BDNF: variants seen among roughly 807,000 people sequenced by gnomAD.
BDNF encodes brain derived neurotrophic factor, also known as neurotrophic factor BDNF precursor form.
BDNF carries 1 observed loss-of-function variant against 19.5 expected under a neutral mutation model. The observed-to-expected ratio is 0.05, with a 90% CI of 0.02 to 0.24. The LOEUF is 0.24. BDNF is among the 10% of genes least tolerant of loss of function. The pLI, the probability that BDNF is intolerant of heterozygous loss-of-function variation, is 1.00. For missense variants in BDNF, 195 were observed against 317.6 expected (o/e 0.61, Z 2.93); for synonymous variants, 100 against 121.6 (o/e 0.82, Z 1.17).
intron 1 of BDNF, among the ~76,000 whole-genome samples, chr11:27,716,538 T>A (rs1860523122): frequency 6.6e-6 from 1 of 151,946 alleles, no homozygotes. Context: ...TAATTTGAGA[T>A]ACTTCTGAGG....
chr11:27,713,758 A>G (rs1385030411), intron 1 of BDNF, among the ~76,000 whole-genome samples: 2 of 152,148 alleles, frequency 1.3e-5, no homozygotes, highest in Non-Finnish European at 2.9e-5. Context: ...TTTAACATTC[A>G]CTCAAAGGTT....
At chr11:27,691,301 T>C (rs1226663022) in intron 1 of BDNF, among the ~76,000 whole-genome samples, 2 of 151,864 alleles carry the variant, frequency 1.3e-5, no homozygotes, top group Non-Finnish European at 2.9e-5. Flanking sequence ...TATGAGAGAG[T>C]CAATGGAGAG....
intron 1 of BDNF, among the ~76,000 whole-genome samples, chr11:27,709,744 T>C (rs1860253649): frequency 6.6e-6 from 1 of 151,878 alleles, no homozygotes; most frequent in African/African-American, 2.4e-5. Flanking sequence ...ATTGAATAAA[T>C]TGAGAGATCT....
chr11:27,705,399 G>T (rs1860070508), upstream of BDNF, among the ~76,000 whole-genome samples: 1 of 152,122 alleles, frequency 6.6e-6, no homozygotes, highest in Non-Finnish European at 1.5e-5. Context: ...ACCTATTTAG[G>T]CTGTGTGATG....
chr11:27,711,032 T>C (rs531728184), intron 1 of BDNF, among the ~76,000 whole-genome samples: 75 of 152,280 alleles, frequency 4.9e-4, no homozygotes, highest in African/African-American at 1.8e-3. Flanking sequence ...ATGATAATTA[T>C]AATAATAAAA....
intron 1 of BDNF, among the ~76,000 whole-genome samples, chr11:27,710,346 T>A (rs1860275008): frequency 6.6e-6 from 1 of 152,192 alleles, no homozygotes; most frequent in African/African-American, 2.4e-5. Flanking sequence ...ATGAAATAAA[T>A]GTATCAGGAA....
At chr11:27,674,018 A>G in intron 1 of BDNF, 1 of 1,501,916 alleles carries the variant, frequency 6.7e-7, no homozygotes, top group Non-Finnish European at 8.9e-7. Flanking sequence ...TGGGGGAAAG[A>G]TAAAATTAGC....
chr11:27,709,774 GC>G (rs1860255479), intron 1 of BDNF, among the ~76,000 whole-genome samples: 5 of 152,190 alleles, frequency 3.3e-5, no homozygotes, highest in Admixed American at 3.3e-4. Context: ...CACCTCAGTT[GC>G]CCAATCAATC....
intron 1 of BDNF, among the ~76,000 whole-genome samples, chr11:27,663,147 A>T (rs1209854206): frequency 3.9e-5 from 6 of 152,250 alleles, no homozygotes; most frequent in Admixed American, 1.3e-4. Flanking sequence ...GAAATAATAA[A>T]AGATTAAGTA....
chr11:27,666,726 G>A (rs1405902812), intron 1 of BDNF, among the ~76,000 whole-genome samples: 1 of 152,092 alleles, frequency 6.6e-6, no homozygotes, highest in Non-Finnish European at 1.5e-5. Context: ...AGAAAAAAGA[G>A]TAAAAAGAAA....
At chr11:27,686,751 G>A (rs183257759) in intron 1 of BDNF, among the ~76,000 whole-genome samples, 5 of 152,272 alleles carry the variant, frequency 3.3e-5, no homozygotes, top group Non-Finnish European at 5.9e-5. Context: ...TTGTAGGCTT[G>A]TAGGGTTTCT....
chr11:27,666,323 A>G (rs1170667276), intron 1 of BDNF, among the ~76,000 whole-genome samples: 1 of 152,236 alleles, frequency 6.6e-6, no homozygotes, highest in African/African-American at 2.4e-5. Context: ...GGGAGAAACC[A>G]GAGCAGAGAA....
intron 1 of BDNF, chr11:27,699,382 C>T (rs777738330): frequency 6.2e-7 from 1 of 1,614,122 alleles, no homozygotes; most frequent in Non-Finnish European, 8.5e-7. Context: ...ACTCACTCAC[C>T]CATTCCTCTT....
At chr11:27,706,439 A>T (rs1860113797) in intron 1 of BDNF, among the ~76,000 whole-genome samples, 1 of 152,146 alleles carries the variant, frequency 6.6e-6, no homozygotes, top group Non-Finnish European at 1.5e-5. Flanking sequence ...CTTGTAATGC[A>T]TTTTTGTTCC....
At chr11:27,699,461 A>T (rs1859632248) in intron 1 of BDNF, 6 of 1,614,094 alleles carry the variant, frequency 3.7e-6, no homozygotes, top group Non-Finnish European at 5.1e-6. Context: ...CCACTCCCCG[A>T]AAGTCAAAAC....
intron 1 of BDNF, among the ~76,000 whole-genome samples, chr11:27,694,367 A>G (rs1384070666): frequency 6.6e-6 from 1 of 152,232 alleles, no homozygotes; most frequent in Non-Finnish European, 1.5e-5. Flanking sequence ...TTCTTCCAGC[A>G]AGACAAACCA....
chr11:27,692,905 C>T (rs1858491294), intron 1 of BDNF, among the ~76,000 whole-genome samples: 1 of 152,152 alleles, frequency 6.6e-6, no homozygotes, highest in African/African-American at 2.4e-5. Context: ...CCACAGTAGG[C>T]ATTAGCAATC....
intron 1 of BDNF, among the ~76,000 whole-genome samples, chr11:27,708,786 G>A (rs1328133799): frequency 1.3e-5 from 2 of 148,928 alleles, no homozygotes; most frequent in Admixed American, 6.6e-5. Flanking sequence ...CGTTTTAAGA[G>A]TAGGGATATT....
intron 1 of BDNF, among the ~76,000 whole-genome samples, chr11:27,686,184 T>C (rs1008863565): frequency 1.3e-5 from 2 of 152,194 alleles, no homozygotes; most frequent in Non-Finnish European, 2.9e-5. Flanking sequence ...TTTGTTGGTT[T>C]AAAGTCTGTT....
Sources: gnomAD v4.1 joint callset for allele counts (sites outside exome capture counted in the v4.1 genomes callset) on GRCh38, gnomAD v4.1.1 for gene constraint, MANE v1.5 for transcripts, NCBI Gene and HGNC (gene_info 2026-07-23, HGNC 2026-07-21) for gene names.